The following GLI2 variants were observed in gnomAD, a reference collection of about 807,000 sequenced individuals.
GLI2 encodes the protein GLI family zinc finger 2.
GLI2 carries 22 observed loss-of-function variants against 78.9 expected under a neutral mutation model. That is an observed-to-expected ratio of 0.28 (90% CI 0.20 to 0.40). The LOEUF is 0.40. GLI2 is among the 10% of genes least tolerant of loss of function. The pLI is 1.00. For synonymous variants in GLI2, 974 were observed against 963.7 expected, an observed-to-expected ratio of 1.01 and a Z score of -0.20; for missense variants, 2,097 against 2,213.2, an observed-to-expected ratio of 0.95 and a Z score of 1.05.
intron 8 of GLI2, among the ~76,000 whole-genome samples, chr2:120,974,430 GAAGGAATTTCAGGTACCTGTGATCAGGTC>G (rs1285955093): frequency 6.6e-6 from 1 of 152,212 alleles, no homozygotes; most frequent in Non-Finnish European, 1.5e-5. Flanking sequence ...GTGATCAGGT[GAAGGAATTTCAGGTACCTGTGATCAGGTC>G]AAGGAATGTC....
chr2:120,796,810 A>G (rs1419296381), intron 1 of GLI2, among the ~76,000 whole-genome samples: 2 of 152,226 alleles, frequency 1.3e-5, no homozygotes, highest in African/African-American at 4.8e-5. Flanking sequence ...TAAAGGATGA[A>G]CATTTATTGA....
At chr2:120,925,098 C>T (rs1010398972) in intron 2 of GLI2, among the ~76,000 whole-genome samples, 1 of 152,360 alleles carries the variant, frequency 6.6e-6, no homozygotes, top group South Asian at 2.1e-4. Context: ...ACCTTAGTCA[C>T]AGCCACATGC....
intron 13 of GLI2, among the ~76,000 whole-genome samples, chr2:120,986,947 G>A (rs148613057): frequency 6.6e-6 from 1 of 152,354 alleles, no homozygotes; most frequent in Admixed American, 6.5e-5. Flanking sequence ...CCATGGCAAA[G>A]GCCCTAGGCA....
intron 1 of GLI2, among the ~76,000 whole-genome samples, chr2:120,772,966 A>C (rs2104659625): frequency 6.6e-6 from 1 of 152,318 alleles, no homozygotes; most frequent in African/African-American, 2.4e-5. Context: ...ATTTTAGCAT[A>C]AACCCTTCCC....
chr2:120,810,038 G>T (rs1176206448), intron 2 of GLI2, among the ~76,000 whole-genome samples: 1 of 152,238 alleles, frequency 6.6e-6, no homozygotes, highest in East Asian at 1.9e-4. Context: ...ACTCCAGGTG[G>T]ATGAGCCCCA....
chr2:120,940,294 C>T (rs1680392434), intron 3 of GLI2, among the ~76,000 whole-genome samples: 1 of 152,180 alleles, frequency 6.6e-6, no homozygotes, highest in South Asian at 2.1e-4. Context: ...AGGTTACCGA[C>T]ATTTCTACTA....
rs570790468 is a variant in GLI2, at chr2:120,963,473, C to T, written c.644-5241C>T. Reference sequence around the variant, plus strand: ...TGTGTGTGCGCGCACGCGCATCCACCTGGGGTATGTGTCTCCACCTGGGGT... The same window carrying T: ...TGTGTGTGCGCGCACGCGCATCCACTTGGGGTATGTGTCTCCACCTGGGGT... On this transcript the variant is annotated intron_variant, in intron 5 of 13. Transcript: ENST00000361492. 2.0e-5 allele frequency among the ~76,000 whole-genome samples: 3 copies of T among 152,208 alleles called. No individual in the cohort carries two copies. In the South Asian group the frequency reaches 6.2e-4, roughly 32 times the overall value.
intron 3 of GLI2, among the ~76,000 whole-genome samples, chr2:120,941,054 G>A (rs908154211): frequency 2.6e-5 from 4 of 152,208 alleles, no homozygotes; most frequent in African/African-American, 9.7e-5. Flanking sequence ...TGATCCGGGG[G>A]AGTGACGTGT....
chr2:120,898,129 C>T (rs775983842), intron 2 of GLI2, among the ~76,000 whole-genome samples: 6 of 150,198 alleles, frequency 4.0e-5, no homozygotes, highest in Non-Finnish European at 5.9e-5. Context: ...CCTACTCCCT[C>T]GAAATTAGGG....
rs886054813 is a variant in GLI2 at position 120,988,655 on chromosome 2, G to A, written c.2690G>A (p.Arg897Gln). 42 of 1,411,268 alleles carry A rather than the reference G, an allele frequency of 3.0e-5. No individual in the cohort carries two copies. The highest frequency in any genetic ancestry group is 2.4e-4 in the Middle Eastern group (1 of 4,186). 87.4% of individuals were successfully genotyped at this position (1,411,268 alleles called of 1,614,324 possible). ...PLPGLERMSL[R>Q]TRLALLDAPE... ...CCGGGCCTGGAGCGCATGAGCCTGC[G>A]GACCAGGCTGGCGCTGCTGGACGCG... Residue 897 changes from arginine (R) to glutamine (Q), a missense_variant, in exon 14 of 14, where the codon CGG (arginine) becomes CAG (glutamine). Around this residue, in one of 5 missense-constraint regions of GLI2, gnomAD observed 1,290 missense variants for 1,261.7 expected, o/e 1.02. Coordinates refer to ENST00000361492, the MANE Select transcript of GLI2 (RefSeq NM_001374353.1).
chr2:120,942,677 C>T (rs1282808921), intron 3 of GLI2, among the ~76,000 whole-genome samples: 2 of 152,218 alleles, frequency 1.3e-5, no homozygotes, highest in Non-Finnish European at 2.9e-5. Context: ...AGATCACTGT[C>T]GTAACTGTTC....
intron 1 of GLI2, among the ~76,000 whole-genome samples, chr2:120,780,997 G>T (rs953480329): frequency 2.6e-5 from 4 of 152,184 alleles, no homozygotes; most frequent in Non-Finnish European, 4.4e-5. Context: ...GAGCATCCGA[G>T]CCCTGAGGCT....
chr2:120,838,271 T>C (rs572893640), intron 2 of GLI2, among the ~76,000 whole-genome samples: 16 of 152,178 alleles, frequency 1.1e-4, no homozygotes, highest in Non-Finnish European at 1.9e-4. Flanking sequence ...TACACACACA[T>C]ATATATATGT....
chr2:120,777,054 GC>G (rs1375532833), intron 1 of GLI2, among the ~76,000 whole-genome samples: 4 of 152,246 alleles, frequency 2.6e-5, no homozygotes, highest in Non-Finnish European at 5.9e-5. Flanking sequence ...CTGTGTGCAC[GC>G]GTGTGTGTGA....
intron 4 of GLI2, among the ~76,000 whole-genome samples, chr2:120,952,081 C>G (rs1324290443): frequency 6.6e-6 from 1 of 152,142 alleles, no homozygotes; most frequent in East Asian, 1.9e-4. Flanking sequence ...ACTTCTAGTC[C>G]CCACCCACCC....
intron 2 of GLI2, among the ~76,000 whole-genome samples, chr2:120,853,228 G>C (rs1310930333): frequency 2.0e-5 from 3 of 152,202 alleles, no homozygotes; most frequent in African/African-American, 7.2e-5. Flanking sequence ...GACAGAGAAG[G>C]TGCAGGCAGA....
chr2:120,901,294 G>T (rs1448233021), intron 2 of GLI2, among the ~76,000 whole-genome samples: 2 of 152,160 alleles, frequency 1.3e-5, no homozygotes, highest in East Asian at 1.9e-4. Flanking sequence ...ATCTAAAGAG[G>T]CATCATTTAA....
chr2:120,933,425 T>C (rs1466429370), intron 3 of GLI2, among the ~76,000 whole-genome samples: 1 of 152,128 alleles, frequency 6.6e-6, no homozygotes, highest in Non-Finnish European at 1.5e-5. Flanking sequence ...GTGTGATTGC[T>C]GGTCAAGCAA....
intron 2 of GLI2, among the ~76,000 whole-genome samples, chr2:120,897,446 C>T (rs1436839476): frequency 1.3e-5 from 2 of 152,200 alleles, no homozygotes; most frequent in African/African-American, 4.8e-5. Flanking sequence ...CTTACAATGG[C>T]TCGACTTTAC....
Sources: gnomAD v4.1 joint callset for allele counts (sites outside exome capture counted in the v4.1 genomes callset) on GRCh38, gnomAD v4.1.1 for gene constraint, gnomAD v4.1.1 regional missense constraint, MANE v1.5 for transcripts, NCBI Gene and HGNC (gene_info 2026-07-23, HGNC 2026-07-21) for gene names.